USP12: variants seen among roughly 807,000 people sequenced by gnomAD.
USP12 encodes the protein ubiquitin specific peptidase 12.
Under a neutral mutation model 45.5 loss-of-function variants are expected in USP12, and 19 were observed. The ratio of observed to expected loss-of-function variants is 0.42; its 90% CI spans 0.29 to 0.61. USP12 has a LOEUF of 0.61. Ranked by LOEUF, USP12 falls within the 20% of genes least tolerant of loss-of-function variation. The pLI is 0.22. For missense variants in USP12, 242 were observed against 447.7 expected (o/e 0.54, Z 4.15); for synonymous variants, 149 against 148.8 (o/e 1.00, Z -0.01).
chr13:27,070,988 T>C (rs1873224213), intron 8 of USP12, 83 bp downstream of exon 8: 2 of 1,157,022 alleles, frequency 1.7e-6, no homozygotes, highest in Admixed American at 4.4e-5. Context: ...ACCAGTCATA[T>C]ATAAATGAAA....
intron 1 of USP12, among the ~76,000 whole-genome samples, chr13:27,125,538 CG>C (rs1876188438): frequency 6.6e-6 from 1 of 152,148 alleles, no homozygotes; most frequent in African/African-American, 2.4e-5. Flanking sequence ...CCTGCGAGAT[CG>C]ATGCAGAAGG....
At chr13:27,081,940 G>A (rs772401049) in intron 6 of USP12, among the ~76,000 whole-genome samples, 1 of 152,174 alleles carries the variant, frequency 6.6e-6, no homozygotes, top group Non-Finnish European at 1.5e-5. Context: ...GCTATAAACA[G>A]GTGTGCTGTC....
intron 6 of USP12, among the ~76,000 whole-genome samples, chr13:27,081,009 ATTTTTTTTTT>A (rs372527345): frequency 8.7e-6 from 1 of 114,622 alleles, no homozygotes; most frequent in Non-Finnish European, 1.7e-5. Context: ...GGCTGAGGCA[ATTTTTTTTTT>A]TTTTTTTTTT....
At chr13:27,088,244 G>A in intron 6 of USP12, among the ~76,000 whole-genome samples, 1 of 151,878 alleles carries the variant, frequency 6.6e-6, no homozygotes, top group East Asian at 1.9e-4. Context: ...GTGAAACCCC[G>A]TCTCTACTAA....
At chr13:27,137,507 A>G (rs898292260) in intron 1 of USP12, among the ~76,000 whole-genome samples, 6 of 152,248 alleles carry the variant, frequency 3.9e-5, no homozygotes, top group African/African-American at 1.2e-4. Flanking sequence ...GTAAATAGAT[A>G]GATGTATACT....
At chr13:27,169,777 T>C (rs1337984126) in intron 1 of USP12, among the ~76,000 whole-genome samples, 1 of 152,188 alleles carries the variant, frequency 6.6e-6, no homozygotes, top group Admixed American at 6.5e-5. Flanking sequence ...TTTGTGTCCA[T>C]GAGCAAGAAT....
intron 1 of USP12, among the ~76,000 whole-genome samples, chr13:27,130,966 T>C (rs1045854242): frequency 3.9e-5 from 6 of 152,208 alleles, no homozygotes; most frequent in African/African-American, 1.4e-4. Flanking sequence ...AAATTCTGGA[T>C]GAAAAGATCA....
chr13:27,169,493 T>A (rs1878488771), intron 1 of USP12, among the ~76,000 whole-genome samples: 1 of 152,154 alleles, frequency 6.6e-6, no homozygotes, highest in South Asian at 2.1e-4. Flanking sequence ...TATTTGGGGG[T>A]ACATTCGAAT....
intron 7 of USP12, among the ~76,000 whole-genome samples, chr13:27,073,242 G>T (rs917497261): frequency 1.3e-5 from 2 of 152,188 alleles, no homozygotes; most frequent in African/African-American, 4.8e-5. Context: ...AAGACCTGCT[G>T]TGCAGAACTC....
intron 2 of USP12, among the ~76,000 whole-genome samples, chr13:27,114,455 C>T (rs1040532998): frequency 6.6e-6 from 1 of 152,174 alleles, no homozygotes; most frequent in African/African-American, 2.4e-5. Flanking sequence ...CCAAAGGCTC[C>T]TTTCCCCATC....
At chr13:27,074,203 A>G (rs901756762) in intron 7 of USP12, among the ~76,000 whole-genome samples, 1 of 152,180 alleles carries the variant, frequency 6.6e-6, no homozygotes, top group Non-Finnish European at 1.5e-5. Flanking sequence ...GATTAAGACC[A>G]TCCTGGCTAA....
chr13:27,089,884 G>A lies in USP12; in HGVS notation c.733C>T (p.Arg245Trp), dbSNP rs759422176. ...AAATCCATAAAGCTCTAAAATTACC[G>A]TTTGTGTGCTTCCTGTTTGCTGCGA... is the stretch of plus-strand genomic sequence containing the variant. ...ECRSKQEAHK[R>W]MKVKKLPMIL... The change falls in exon 6 of 9, where the codon CGG becomes TGG. Residue 245 changes from arginine to tryptophan, a missense_variant and splice_region_variant. Transcript: ENST00000282344. The A allele has an allele frequency of 8.1e-6, 13 of 1,609,078 alleles. No individual in the cohort carries two copies. Among genetic ancestry groups the A allele is most frequent in the East Asian group, 2.2e-5 (1 of 44,788 alleles).
intron 6 of USP12, among the ~76,000 whole-genome samples, chr13:27,080,709 C>G (rs189078496): frequency 6.6e-6 from 1 of 152,242 alleles, no homozygotes; most frequent in African/African-American, 2.4e-5. Flanking sequence ...CAGTTCCAGG[C>G]CACCGCAATA....
intron 2 of USP12, among the ~76,000 whole-genome samples, chr13:27,112,179 A>T (rs1431161295): frequency 6.6e-6 from 1 of 152,180 alleles, no homozygotes; most frequent in Non-Finnish European, 1.5e-5. Context: ...CTTCACCTGC[A>T]AAAAGGGGGT....
At chr13:27,093,052 C>T (rs1459083712) in intron 4 of USP12, among the ~76,000 whole-genome samples, 1 of 151,858 alleles carries the variant, frequency 6.6e-6, no homozygotes, top group Non-Finnish European at 1.5e-5. Context: ...CAAAATTAGC[C>T]GGGCGTGGTG....
intron 1 of USP12, among the ~76,000 whole-genome samples, chr13:27,152,206 A>C (rs1293691628): frequency 6.6e-6 from 1 of 152,246 alleles, no homozygotes; most frequent in Non-Finnish European, 1.5e-5. Flanking sequence ...TATTATTCAT[A>C]ATACCCATAA....
chr13:27,156,449 T>C (rs555915026), intron 1 of USP12, among the ~76,000 whole-genome samples: 1 of 152,178 alleles, frequency 6.6e-6, no homozygotes, highest in Non-Finnish European at 1.5e-5. Flanking sequence ...GCAACGATGA[T>C]CATTATGGAT....
intron 6 of USP12, among the ~76,000 whole-genome samples, chr13:27,087,117 G>C (rs1297878464): frequency 6.6e-6 from 1 of 151,992 alleles, no homozygotes; most frequent in African/African-American, 2.4e-5. Context: ...GTGTGTGTGT[G>C]TGTGTGCGTG....
intron 6 of USP12, among the ~76,000 whole-genome samples, chr13:27,082,708 T>C (rs1167548318): frequency 6.6e-6 from 1 of 152,164 alleles, no homozygotes. Flanking sequence ...TTAGAAGCCA[T>C]TGTAAGGTTA....
Sources: gnomAD v4.1 joint callset for allele counts (sites outside exome capture counted in the v4.1 genomes callset) on GRCh38, gnomAD v4.1.1 for gene constraint, MANE v1.5 for transcripts, NCBI Gene and HGNC (gene_info 2026-07-23, HGNC 2026-07-21) for gene names.